Variants in PRDM16 observed in about 807,000 individuals in gnomAD.
PRDM16 encodes histone-lysine N-methyltransferase PRDM16.
Under a neutral mutation model 110.6 loss-of-function variants are expected in PRDM16, and 23 were observed. The observed-to-expected ratio is 0.21, with a 90% CI of 0.15 to 0.29. The LOEUF (loss-of-function observed/expected upper bound fraction) is 0.29, where lower values mean the gene tolerates loss of function less well. Among genes scored for constraint, PRDM16 ranks in the 10% least tolerant of loss-of-function variants. PRDM16 has a pLI of 1.00. For synonymous variants in PRDM16, 799 were observed against 781.8 expected, an observed-to-expected ratio of 1.02 and a Z score of -0.37; for missense variants, 1,615 against 1,794.3, an observed-to-expected ratio of 0.90 and a Z score of 1.81.
At chr1:3,376,927 G>A (rs1643000707) in intron 3 of PRDM16, among the ~76,000 whole-genome samples, 1 of 152,222 alleles carries the variant, frequency 6.6e-6, no homozygotes, top group Non-Finnish European at 1.5e-5. Flanking sequence ...TGGGCATCAG[G>A]ATGGGGATTT....
chr1:3,401,194 C>T (rs995968908), intron 5 of PRDM16, among the ~76,000 whole-genome samples: 7 of 152,208 alleles, frequency 4.6e-5, no homozygotes, highest in Non-Finnish European at 8.8e-5. Flanking sequence ...CCCTGCACTG[C>T]CCAGACTGCA....
chr1:3,237,070 G>A (rs751029236), intron 2 of PRDM16, among the ~76,000 whole-genome samples: 86 of 152,108 alleles, frequency 5.7e-4, no homozygotes, highest in Non-Finnish European at 1.1e-3. Flanking sequence ...ATGCTCCTCC[G>A]AGCAGACATG....
rs1005649475 is a variant in PRDM16, at chr1:3,406,311, C to T, written c.1186+663C>T. ...GGTGTGGGAGCTGAGACTGCCTGTT[C>T]GATGAGAGGCGTTCCAGCAAAGACA... is the stretch of plus-strand genomic sequence containing the variant. On this transcript the variant is annotated intron_variant, in intron 8 of 16. Coordinates refer to ENST00000270722, the MANE Select transcript of PRDM16 (RefSeq NM_022114.4). 3.3e-5 allele frequency among the ~76,000 whole-genome samples: 5 copies of T among 152,144 alleles called. No homozygotes were observed. The South Asian group carries it at 6.2e-4, about 19-fold the overall frequency.
rs544457760 is a variant in PRDM16 at position 3,290,127 on chromosome 1, T to C, written c.438+45990T>C. ...AACTCACAGAGTGCATGTGTCATGC[T>C]GATGTGACAAACCCGGGCGCTGTTC... On this transcript the variant is annotated intron_variant, in intron 3 of 16. Transcript: ENST00000270722. This position sits in a 1 kb window ranked among gnomAD's most constrained non-coding sequence, Gnocchi z 4.8. Among the ~76,000 whole-genome samples, 20 of 152,348 alleles carry C rather than the reference T, an allele frequency of 1.3e-4. No homozygotes were observed. The highest frequency in any genetic ancestry group is 3.8e-4 in the African/African-American group (16 of 41,582).
At position 3,434,940 on chromosome 1, in the gene PRDM16, C is replaced by T. The variant is rs1638866873; in HGVS notation, c.*1129C>T. 5 of 230,794 alleles carry T rather than the reference C, an allele frequency of 2.2e-5. No homozygotes were observed. Among genetic ancestry groups the T allele is most frequent in the South Asian group, 1.8e-4 (1 of 5,504 alleles). The allele number at this position is 230,794 out of a possible 1,614,324, so 14.3% of individuals were successfully genotyped here. Reference sequence around the variant, plus strand: ...GCCCTGGGGAGCAATCCCAGCGGATCGCTCCGGGCCACCAAGCCGCACCTG... The same window carrying T: ...GCCCTGGGGAGCAATCCCAGCGGATTGCTCCGGGCCACCAAGCCGCACCTG... On this transcript the variant is annotated 3_prime_UTR_variant, in exon 17 of 17. Coordinates refer to ENST00000270722, the MANE Select transcript of PRDM16 (RefSeq NM_022114.4).
At position 3,110,371 on chromosome 1, in the gene PRDM16, G is replaced by GC. The variant is rs1288853066; in HGVS notation, c.37+41075_37+41076insC. Among the ~76,000 whole-genome samples the GC allele has an allele frequency of 7.3e-5, 11 of 150,306 alleles. No homozygotes were observed. In the East Asian group the frequency reaches 1.2e-3, roughly 17 times the overall value. ...CATGTCCTGGGTGTGGGGACACAGT[G>GC]TCTGCGGCTCCCCCATGTCCTGGGT... On this transcript the variant is annotated intron_variant, in intron 1 of 16. Transcript: ENST00000270722.
intron 3 of PRDM16, among the ~76,000 whole-genome samples, chr1:3,279,274 G>T (rs939603659): frequency 2.0e-5 from 3 of 152,254 alleles, no homozygotes; most frequent in Non-Finnish European, 4.4e-5. Context: ...AGGCATCCCT[G>T]GGTCCGGCAC....
In PRDM16 at chr1:3,209,802, G is replaced by A. The variant is rs570261410; in HGVS notation, c.387+23328G>A. ...CACGACAGCCAGGACTTGGTCCAGC[G>A]TTTTCCAAACTGGCAGAACCCGGGG... On this transcript the variant is annotated intron_variant, in intron 2 of 16. Coordinates refer to ENST00000270722, the MANE Select transcript of PRDM16 (RefSeq NM_022114.4). This position sits in a 1 kb window ranked among gnomAD's most constrained non-coding sequence, Gnocchi z 4.6. 5.3e-5 allele frequency among the ~76,000 whole-genome samples: 8 copies of A among 152,276 alleles called. No homozygotes were observed. The highest frequency in any genetic ancestry group is 9.6e-5 in the African/African-American group (4 of 41,552).
intron 8 of PRDM16, among the ~76,000 whole-genome samples, chr1:3,408,798 G>A (rs1316582814): frequency 1.4e-5 from 2 of 138,916 alleles, no homozygotes; most frequent in African/African-American, 6.8e-5. Context: ...GCCGGTGCGT[G>A]TGTGTGAGCG....
At chr1:3,341,885 T>C (rs958951002) in intron 3 of PRDM16, among the ~76,000 whole-genome samples, 1 of 152,258 alleles carries the variant, frequency 6.6e-6, no homozygotes, top group African/African-American at 2.4e-5. Context: ...GTCCGGGCTG[T>C]CTTCTTCGGG....
chr1:3,261,871 C>T (rs1195760384), intron 3 of PRDM16, among the ~76,000 whole-genome samples: 1 of 152,200 alleles, frequency 6.6e-6, no homozygotes, highest in African/African-American at 2.4e-5. Flanking sequence ...GGCCTGCAGC[C>T]TGTGCAGCTC....
At chr1:3,134,938 G>A (rs1339985403) in intron 1 of PRDM16, among the ~76,000 whole-genome samples, 3 of 152,270 alleles carry the variant, frequency 2.0e-5, no homozygotes, top group South Asian at 4.1e-4. Context: ...TTAGACGGCC[G>A]AGCTGCTGGC....
intron 8 of PRDM16, among the ~76,000 whole-genome samples, chr1:3,407,268 C>G (rs896847507): frequency 6.6e-6 from 1 of 152,246 alleles, no homozygotes; most frequent in Non-Finnish European, 1.5e-5. Context: ...CAAGCCCCAG[C>G]GTCCAGCCGT....
intron 9 of PRDM16, among the ~76,000 whole-genome samples, chr1:3,414,346 G>A (rs1643743884): frequency 6.6e-6 from 1 of 152,132 alleles, no homozygotes; most frequent in African/African-American, 2.4e-5. Context: ...TGACAGGGAG[G>A]GTCCGTCTAG....
intron 3 of PRDM16, among the ~76,000 whole-genome samples, chr1:3,330,170 C>T (rs1484677177): frequency 2.0e-5 from 3 of 152,218 alleles, no homozygotes; most frequent in South Asian, 2.1e-4. Context: ...GTTTAACTCT[C>T]GCCTGGCCAG....
chr1:3,371,722 G>A (rs767698021), intron 3 of PRDM16, among the ~76,000 whole-genome samples: 1 of 152,240 alleles, frequency 6.6e-6, no homozygotes, highest in Non-Finnish European at 1.5e-5. Context: ...AGGGCAGGGC[G>A]AGCCAAGGTG....
chr1:3,204,616 T>G (rs1371902781), intron 2 of PRDM16, among the ~76,000 whole-genome samples: 1 of 152,226 alleles, frequency 6.6e-6, no homozygotes. Flanking sequence ...GCTCCGTTAT[T>G]TGTAGTTTTT....
At chr1:3,368,585 C>T (rs1642856470) in intron 3 of PRDM16, among the ~76,000 whole-genome samples, 1 of 152,242 alleles carries the variant, frequency 6.6e-6, no homozygotes, top group African/African-American at 2.4e-5. Flanking sequence ...ACAAGGCCCT[C>T]CTCTTGAGAA....
chr1:3,118,329 C>A (rs1250135964), intron 1 of PRDM16, among the ~76,000 whole-genome samples: 3 of 152,202 alleles, frequency 2.0e-5, no homozygotes, highest in Admixed American at 1.3e-4. Context: ...GCATGGAGCC[C>A]TGGTGGCCTG....
Sources: allele counts gnomAD v4.1 joint callset (sites outside exome capture counted in the v4.1 genomes callset), GRCh38; gene constraint gnomAD v4.1.1; non-coding constraint Gnocchi (gnomAD v3.1); transcripts MANE v1.5; gene names NCBI Gene and HGNC (gene_info 2026-07-23, HGNC 2026-07-21).